Variants in PDE1C observed in about 807,000 individuals in gnomAD.
The protein encoded by PDE1C is phosphodiesterase 1C.
Under a neutral mutation model 93.1 loss-of-function variants are expected in PDE1C, and 62 were observed. The ratio of observed to expected loss-of-function variants is 0.67; its 90% CI spans 0.54 to 0.82. The LOEUF is 0.82. Among genes scored for constraint, PDE1C ranks in the 40% least tolerant of loss-of-function variants. The pLI, the probability that PDE1C is intolerant of heterozygous loss-of-function variation, is 0.00. For missense variants in PDE1C, 742 were observed against 884.6 expected (o/e 0.84, Z 2.04); for synonymous variants, 325 against 310.1 (o/e 1.05, Z -0.50).
chr7:32,193,904 T>TG (rs1804409590), intron 2 of PDE1C, among the ~76,000 whole-genome samples: 1 of 136,956 alleles, frequency 7.3e-6, no homozygotes, highest in Non-Finnish European at 1.6e-5. Flanking sequence ...TTTTTTTTTT[T>TG]GGTTTTGTTT....
At chr7:32,088,725 G>A (rs113276202) in intron 3 of PDE1C, among the ~76,000 whole-genome samples, 95,664 of 152,114 alleles carry the variant, frequency 0.63, 30,445 homozygotes, top group African/African-American at 0.72. Flanking sequence ...CCTGTCTTTA[G>A]TGACAGGCTC....
chr7:32,117,323 A>C (rs1219253471), intron 3 of PDE1C, among the ~76,000 whole-genome samples: 6 of 152,340 alleles, frequency 3.9e-5, no homozygotes, highest in Non-Finnish European at 7.3e-5. Flanking sequence ...AAACTATGTC[A>C]TATGTAACCA....
chr7:32,101,129 C>A (rs994716216), intron 3 of PDE1C, among the ~76,000 whole-genome samples: 1 of 152,202 alleles, frequency 6.6e-6, no homozygotes, highest in Non-Finnish European at 1.5e-5. Flanking sequence ...ATTTCTAAAA[C>A]ATTCTTTTGA....
chr7:31,663,195 C>T, the PDE1C span, among the ~76,000 whole-genome samples: 77 of 152,192 alleles, frequency 5.1e-4, no homozygotes, highest in African/African-American at 1.5e-3. Flanking sequence ...CTTTGGATTC[C>T]CTGCATTGTC....
intron 1 of PDE1C, among the ~76,000 whole-genome samples, chr7:32,393,204 G>C (rs751458073): frequency 6.6e-6 from 1 of 151,992 alleles, no homozygotes; most frequent in Non-Finnish European, 1.5e-5. Flanking sequence ...AACAAGGCAA[G>C]GATATCCACT....
intron 1 of PDE1C, among the ~76,000 whole-genome samples, chr7:32,412,333 G>T (rs1323652823): frequency 6.6e-6 from 1 of 151,788 alleles, no homozygotes; most frequent in Non-Finnish European, 1.5e-5. Context: ...GTGCATGCCT[G>T]TAATCCCAGT....
At chr7:31,672,297 T>C in the PDE1C span, among the ~76,000 whole-genome samples, 1 of 152,216 alleles carries the variant, frequency 6.6e-6, no homozygotes, top group Non-Finnish European at 1.5e-5. Flanking sequence ...TGTTGTTTCA[T>C]GGCTGTATTA....
chr7:32,304,678 T>C (rs1392582401), intron 1 of PDE1C, among the ~76,000 whole-genome samples: 1 of 152,092 alleles, frequency 6.6e-6, no homozygotes, highest in Non-Finnish European at 1.5e-5. Flanking sequence ...TTGCTAGCTG[T>C]GTGATCTTAG....
chr7:31,620,596 A>G, the PDE1C span, among the ~76,000 whole-genome samples: 3 of 150,776 alleles, frequency 2.0e-5, no homozygotes, highest in South Asian at 2.1e-4. Flanking sequence ...CATCCACACC[A>G]AAAACCCATC....
intron 2 of PDE1C, among the ~76,000 whole-genome samples, chr7:32,181,519 G>A (rs1263691841): frequency 6.6e-6 from 1 of 152,096 alleles, no homozygotes; most frequent in Non-Finnish European, 1.5e-5. Context: ...TCACCTACAT[G>A]GAAACTGAAC....
At chr7:32,020,915 C>A (rs1788577061) in intron 2 of PDE1C, among the ~76,000 whole-genome samples, 1 of 152,158 alleles carries the variant, frequency 6.6e-6, no homozygotes, top group South Asian at 2.1e-4. Context: ...CTCTTTTGAC[C>A]TGTGACATAG....
At chr7:31,983,916 C>T (rs1016866065) in intron 2 of PDE1C, among the ~76,000 whole-genome samples, 6 of 152,158 alleles carry the variant, frequency 3.9e-5, no homozygotes, top group African/African-American at 1.4e-4. Context: ...ACCATATGAA[C>T]TGGCAGAGTG....
At chr7:32,227,058 A>T (rs150915118) in intron 1 of PDE1C, among the ~76,000 whole-genome samples, 1 of 152,270 alleles carries the variant, frequency 6.6e-6, no homozygotes, top group East Asian at 1.9e-4. Flanking sequence ...TGAGGAAAGG[A>T]GGTCTCTGCC....
rs746711103 is a variant in PDE1C, at chr7:31,816,071, C to T, written c.1666G>A (p.Ala556Thr). Reference sequence around the variant, plus strand: ...GCTTTGCCAGATGCGCCTTCTTCAGCCTGGCTTTTGGCTTCCATTTCCTTT... The same window carrying T: ...GCTTTGCCAGATGCGCCTTCTTCAGTCTGGCTTTTGGCTTCCATTTCCTTT... The part of the protein sequence containing the change: ...QQKEMEAKSQ[A>T]EEGASGKAEK... Residue 556 changes from alanine to threonine, a missense_variant, in exon 15 of 18, where the codon GCT becomes ACT. Coordinates refer to ENST00000396191, the MANE Select transcript of PDE1C (RefSeq NM_001191057.4). 8.7e-6 allele frequency: 14 copies of T among 1,613,902 alleles called. No homozygotes were observed. The African/African-American group carries it at 1.7e-4, about 20-fold the overall frequency.
At chr7:31,702,369 G>A in the PDE1C span, among the ~76,000 whole-genome samples, 117 of 152,188 alleles carry the variant, frequency 7.7e-4, 1 homozygote, top group East Asian at 0.017. Context: ...TCCAAGGACC[G>A]GGGGAGGCTC....
chr7:32,424,370 T>C (rs531209266), intron 1 of PDE1C, among the ~76,000 whole-genome samples: 4 of 152,366 alleles, frequency 2.6e-5, no homozygotes, highest in African/African-American at 9.6e-5. Context: ...ATCCCAGTAA[T>C]ACCCAAGGTG....
intron 6 of PDE1C, among the ~76,000 whole-genome samples, chr7:31,866,689 T>G (rs1795338506): frequency 6.6e-6 from 1 of 151,884 alleles, no homozygotes; most frequent in Admixed American, 6.6e-5. Context: ...AAATAGATTA[T>G]CCAACACTAG....
chr7:32,018,303 C>G (rs1329587087), intron 2 of PDE1C, among the ~76,000 whole-genome samples: 1 of 152,024 alleles, frequency 6.6e-6, no homozygotes, highest in Non-Finnish European at 1.5e-5. Context: ...CCAGTAATTT[C>G]ACACTTAAGG....
At chr7:31,665,052 C>G in the PDE1C span, among the ~76,000 whole-genome samples, 3 of 152,166 alleles carry the variant, frequency 2.0e-5, no homozygotes, top group Non-Finnish European at 4.4e-5. Flanking sequence ...AGCTCTCTGA[C>G]CTAATTTCAT....
Sources: allele counts gnomAD v4.1 joint callset (sites outside exome capture counted in the v4.1 genomes callset), GRCh38; gene constraint gnomAD v4.1.1; transcripts MANE v1.5; gene names NCBI Gene and HGNC (gene_info 2026-07-23, HGNC 2026-07-21).